Variants in TRIM38 observed in about 807,000 individuals in gnomAD.
TRIM38 encodes the protein tripartite motif containing 38, also known as E3 ubiquitin-protein ligase TRIM38.
In TRIM38, 35 loss-of-function variants were observed where a neutral mutation model predicts 35.8. That is an observed-to-expected ratio of 0.98 (90% CI 0.75 to 1.30). TRIM38 has a LOEUF of 1.30. TRIM38 is among the 50% of genes most tolerant of loss of function. The pLI is 0.00. For missense variants in TRIM38, 545 were observed against 556.9 expected, an observed-to-expected ratio of 0.98 and a Z score of 0.21; for synonymous variants, 198 against 204.7, an observed-to-expected ratio of 0.97 and a Z score of 0.28.
At chr6:25,980,055 T>C (rs1049806302) in intron 7 of TRIM38, among the ~76,000 whole-genome samples, 1 of 152,222 alleles carries the variant, frequency 6.6e-6, no homozygotes, top group African/African-American at 2.4e-5. Context: ...TTGTTCAGAC[T>C]GTTTTCTGCC....
At position 25,983,748 on chromosome 6, in the gene TRIM38, G is replaced by A. The variant is rs1760637746; in HGVS notation, c.*61G>A. On this transcript the variant is annotated 3_prime_UTR_variant, in exon 8 of 8. Transcript: ENST00000357085. The stretch of plus-strand genomic sequence containing the variant: ...AGAGAAAATAATATAAATCCCATAA[G>A]GGCAGACGTTTGGTCTGTTTTCTTC... 1 of 1,448,712 alleles carries A rather than the reference G, an allele frequency of 6.9e-7. No homozygotes were observed. The highest frequency in any genetic ancestry group is 9.2e-7 in the Non-Finnish European group (1 of 1,085,154). The allele number at this position is 1,448,712 out of a possible 1,614,324, so 89.7% of individuals were successfully genotyped here.
In TRIM38 at chr6:25,985,194, T is replaced by C. The variant is rs1760677107; in HGVS notation, c.*1507T>C. ...TTTGCCTAAAAGCAGGATATGAAAT[T>C]GTGAAGGTGTCTTCTTACTCGGGGA... On this transcript the variant is annotated 3_prime_UTR_variant, in exon 8 of 8. Transcript: ENST00000357085. 6.6e-6 allele frequency: 1 copy of C among 151,778 alleles called. No individual in the cohort carries two copies. The highest frequency in any genetic ancestry group is 2.1e-4 in the South Asian group (1 of 4,812). 9.4% of individuals were successfully genotyped at this position (151,778 alleles called of 1,614,324 possible).
intron 7 of TRIM38, among the ~76,000 whole-genome samples, chr6:25,976,816 T>A (rs890190863): frequency 6.6e-6 from 1 of 152,306 alleles, no homozygotes; most frequent in Non-Finnish European, 1.5e-5. Context: ...CCACAAGCAA[T>A]ATAAGAGCTC....
intron 7 of TRIM38, 102 bp downstream of exon 7, chr6:25,973,387 T>G: frequency 6.7e-7 from 1 of 1,497,488 alleles, no homozygotes; most frequent in Non-Finnish European, 8.9e-7. Flanking sequence ...CCAGAGAGGT[T>G]GTTTAGTTAA....
chr6:25,977,312 A>G (rs1020357719), intron 7 of TRIM38, among the ~76,000 whole-genome samples: 2 of 152,128 alleles, frequency 1.3e-5, no homozygotes, highest in Non-Finnish European at 2.9e-5. Flanking sequence ...CAGGAGTTCG[A>G]GGCTGCAGTA....
intron 7 of TRIM38, among the ~76,000 whole-genome samples, chr6:25,982,030 G>C (rs1455364944): frequency 6.6e-6 from 1 of 152,176 alleles, no homozygotes; most frequent in Admixed American, 6.5e-5. Context: ...AGTCTTGGAA[G>C]ATGTCCGGGG....
intron 2 of TRIM38, among the ~76,000 whole-genome samples, chr6:25,964,527 G>T (rs1054382496): frequency 6.6e-6 from 1 of 152,150 alleles, no homozygotes; most frequent in Admixed American, 6.5e-5. Flanking sequence ...ATTAGGTCTG[G>T]TTACATTCTT....
At chr6:25,974,863 C>T (rs1007316111) in intron 7 of TRIM38, 1 of 984,760 alleles carries the variant, frequency 1.0e-6, no homozygotes, top group Non-Finnish European at 1.2e-6. Context: ...CAACAAACAA[C>T]AACAAAACCC....
In TRIM38 at chr6:25,973,266, A is replaced by G; in HGVS notation, c.855A>G (p.Lys285=). The part of the protein sequence containing the change: ...NVSKLYFDVK[K]MLRSHQVSVT... Reference sequence around the variant, plus strand: ...CCAAGCTTTACTTCGATGTGAAGAAAATGTTAAGGAGTCATCAAGGTATGT... The same window carrying G: ...CCAAGCTTTACTTCGATGTGAAGAAGATGTTAAGGAGTCATCAAGGTATGT... Residue 285 remains lysine, a synonymous_variant, in exon 7 of 8, where the codon AAA becomes AAG. Transcript: ENST00000357085. The G allele has an allele frequency of 6.2e-7, 1 of 1,613,778 alleles. No homozygotes were observed.
At chr6:25,973,138 C>G in intron 6 of TRIM38, 35 bp from the exon 7 acceptor site, 1 of 1,614,052 alleles carries the variant, frequency 6.2e-7, no homozygotes. Context: ...ATGGAATGCA[C>G]CTCTGAAGAA....
chr6:25,976,184 A>C (rs545114743), intron 7 of TRIM38, among the ~76,000 whole-genome samples: 35 of 152,306 alleles, frequency 2.3e-4, no homozygotes, highest in African/African-American at 6.0e-4. Flanking sequence ...AGGATCTCAT[A>C]ACTAGAAGGT....
At chr6:25,978,514 A>G (rs958665430) in intron 7 of TRIM38, among the ~76,000 whole-genome samples, 1 of 151,748 alleles carries the variant, frequency 6.6e-6, no homozygotes, top group Admixed American at 6.6e-5. Context: ...CTGTGTGTAT[A>G]TATTTGTTTT....
Position 25,989,860 on chromosome 6 carries a change from T to G in TRIM38, c.*6173T>G, listed in dbSNP as rs933553292. ...GCCAAATTTACTAGCTTAGATACTA[T>G]TAGATAGTCAATATTTTTTGTTGGA... On this transcript the variant is annotated 3_prime_UTR_variant, in exon 8 of 8. Transcript: ENST00000357085. 1 of 152,188 alleles carries G rather than the reference T, an allele frequency of 6.6e-6. No individual in the cohort carries two copies. The highest frequency in any genetic ancestry group is 1.9e-4 in the East Asian group (1 of 5,206). The allele number at this position is 152,188 out of a possible 1,614,324, so 9.4% of individuals were successfully genotyped here.
chr6:25,973,359 C>A, intron 7 of TRIM38, 74 bp downstream of exon 7: 1 of 1,560,656 alleles, frequency 6.4e-7, no homozygotes, highest in Non-Finnish European at 8.7e-7. Flanking sequence ...TACCACCTGT[C>A]CCTTGGCAGG....
chr6:25,988,107 C>CT lies in TRIM38; in HGVS notation c.*4421dup, dbSNP rs1760762972. ...TATCGACTTCTTTCCTCTGTACCTA[C>CT]TCCGAAGTTACCACTCTTTTTCTAG... On this transcript the variant is annotated 3_prime_UTR_variant, in exon 8 of 8. Transcript: ENST00000357085. 1 of 152,232 alleles carries CT rather than the reference C, an allele frequency of 6.6e-6. No homozygotes were observed. The highest frequency in any genetic ancestry group is 2.4e-5 in the African/African-American group (1 of 41,456). 9.4% of individuals were successfully genotyped at this position (152,232 alleles called of 1,614,324 possible).
chr6:25,981,157 A>G (rs1760533305), intron 7 of TRIM38, among the ~76,000 whole-genome samples: 1 of 152,214 alleles, frequency 6.6e-6, no homozygotes, highest in Non-Finnish European at 1.5e-5. Flanking sequence ...TAACTATACT[A>G]GAGTGTGCCC....
At position 25,979,236 on chromosome 6, in the gene TRIM38, C is replaced by T. The variant is rs112183542; in HGVS notation, c.875-3928C>T. ...GGAGTTCTATATCTATGTCTATAAGCGGGAGCCATAATTTTCTATTCTTTG... is the reference window on the plus strand; with the variant it reads ...GGAGTTCTATATCTATGTCTATAAGTGGGAGCCATAATTTTCTATTCTTTG... On this transcript the variant is annotated intron_variant, in intron 7 of 7. Coordinates refer to ENST00000357085, the MANE Select transcript of TRIM38 (RefSeq NM_006355.5). 9.8e-3 allele frequency among the ~76,000 whole-genome samples: 1,489 copies of T among 151,940 alleles called. 14 individuals are homozygous for T. Among genetic ancestry groups the T allele is most frequent in the Middle Eastern group, 0.044 (13 of 294 alleles).
At chr6:25,964,086 C>G (rs190986793) in intron 2 of TRIM38, among the ~76,000 whole-genome samples, 64 of 152,028 alleles carry the variant, frequency 4.2e-4, no homozygotes, top group Non-Finnish European at 6.6e-4. Context: ...ACTGAAAAAT[C>G]GACTCACAAA....
intron 7 of TRIM38, among the ~76,000 whole-genome samples, chr6:25,977,335 G>A (rs2113608833): frequency 6.6e-6 from 1 of 152,208 alleles, no homozygotes; most frequent in Non-Finnish European, 1.5e-5. Context: ...CTATGATCAC[G>A]CCACTGTACC....
Sources: gnomAD v4.1 joint callset for allele counts (sites outside exome capture counted in the v4.1 genomes callset) on GRCh38, gnomAD v4.1.1 for gene constraint, MANE v1.5 for transcripts, NCBI Gene and HGNC (gene_info 2026-07-23, HGNC 2026-07-21) for gene names.